Variants in PTPRD observed in about 807,000 individuals in gnomAD.
PTPRD encodes the protein receptor-type tyrosine-protein phosphatase delta.
Under a neutral mutation model 214.5 loss-of-function variants are expected in PTPRD, and 34 were observed. The ratio of observed to expected loss-of-function variants is 0.16; its 90% confidence interval spans 0.12 to 0.21. PTPRD has a LOEUF of 0.21. PTPRD is among the 10% of genes least tolerant of loss of function. PTPRD has a pLI of 1.00. For missense variants in PTPRD, 2,545 were observed against 2,398.7 expected (o/e 1.06, Z -1.27); for synonymous variants, 1,128 against 845.7 (o/e 1.33, Z -5.79).
At chr9:8,384,745 C>T (rs1303365556) in intron 37 of PTPRD, among the ~76,000 whole-genome samples, 1 of 152,102 alleles carries the variant, frequency 6.6e-6, no homozygotes, top group Non-Finnish European at 1.5e-5. Context: ...ACGCTGGTCT[C>T]GAACTCCTGA....
intron 2 of PTPRD, among the ~76,000 whole-genome samples, chr9:10,548,441 A>G (rs1372834050): frequency 6.6e-6 from 1 of 152,112 alleles, no homozygotes; most frequent in Admixed American, 6.6e-5. Context: ...ATCAATCACT[A>G]TAGGAGCTTA....
At chr9:9,813,027 G>A (rs79923241) in intron 5 of PTPRD, among the ~76,000 whole-genome samples, 1 of 152,042 alleles carries the variant, frequency 6.6e-6, no homozygotes, top group Non-Finnish European at 1.5e-5. Flanking sequence ...TCACAAATAT[G>A]TGGAAAGTAA....
At chr9:9,135,205 C>T (rs188650852) in intron 10 of PTPRD, among the ~76,000 whole-genome samples, 5 of 152,338 alleles carry the variant, frequency 3.3e-5, no homozygotes, top group East Asian at 1.9e-4. Flanking sequence ...TGTCTTTCCA[C>T]TCTGATTGTA....
At chr9:9,602,620 G>T (rs1026296499) in intron 7 of PTPRD, among the ~76,000 whole-genome samples, 3 of 151,766 alleles carry the variant, frequency 2.0e-5, no homozygotes, top group South Asian at 2.1e-4. Context: ...TAAATAATAC[G>T]TACCTATCTT....
At chr9:9,867,142 T>C (rs1412415888) in intron 5 of PTPRD, among the ~76,000 whole-genome samples, 1 of 152,146 alleles carries the variant, frequency 6.6e-6, no homozygotes, top group African/African-American at 2.4e-5. Context: ...GTCAATATTA[T>C]TGTATATTTT....
chr9:10,224,198 A>T (rs1239851282), intron 3 of PTPRD, among the ~76,000 whole-genome samples: 1 of 152,018 alleles, frequency 6.6e-6, no homozygotes, highest in Non-Finnish European at 1.5e-5. Context: ...ACCACTATAT[A>T]AATTATCTTA....
At chr9:9,212,676 A>C (rs2099949571) in intron 9 of PTPRD, among the ~76,000 whole-genome samples, 3 of 152,228 alleles carry the variant, frequency 2.0e-5, no homozygotes. Flanking sequence ...AGCCAAGGCC[A>C]TTCACAGATT....
At chr9:8,858,631 T>C (rs2098011726) in intron 11 of PTPRD, among the ~76,000 whole-genome samples, 1 of 152,142 alleles carries the variant, frequency 6.6e-6, no homozygotes, top group South Asian at 2.1e-4. Flanking sequence ...GGATTGTGTG[T>C]GCGCGTTGCC....
chr9:10,119,981 T>C (rs1268539478), intron 3 of PTPRD, among the ~76,000 whole-genome samples: 1 of 152,044 alleles, frequency 6.6e-6, no homozygotes, highest in Non-Finnish European at 1.5e-5. Context: ...ATTATGATTG[T>C]ACAAGCTACA....
intron 8 of PTPRD, among the ~76,000 whole-genome samples, chr9:9,426,720 C>A (rs760683434): frequency 2.0e-5 from 3 of 152,120 alleles, no homozygotes; most frequent in African/African-American, 4.8e-5. Flanking sequence ...TCCAGAAGAA[C>A]GATAAGGCAG....
At chr9:10,208,379 T>C (rs10958947) in intron 3 of PTPRD, among the ~76,000 whole-genome samples, 9,981 of 152,060 alleles carry the variant, frequency 0.066, 850 homozygotes, top group East Asian at 0.35. Context: ...CCGGGCGTGG[T>C]GGCGGGCGCC....
intron 5 of PTPRD, among the ~76,000 whole-genome samples, chr9:9,861,180 T>C (rs936263997): frequency 1.3e-5 from 2 of 152,214 alleles, no homozygotes; most frequent in African/African-American, 2.4e-5. Context: ...CATGAGTGTA[T>C]TGGGAGAAGT....
At chr9:8,466,648 C>T (rs924453118) in intron 31 of PTPRD, among the ~76,000 whole-genome samples, 4 of 151,832 alleles carry the variant, frequency 2.6e-5, no homozygotes, top group African/African-American at 9.7e-5. Flanking sequence ...TTGATGTAAG[C>T]AGCAGTCTTT....
At chr9:9,831,734 T>G (rs957255513) in intron 5 of PTPRD, among the ~76,000 whole-genome samples, 3 of 152,040 alleles carry the variant, frequency 2.0e-5, no homozygotes, top group African/African-American at 7.2e-5. Context: ...CCCTAATTTA[T>G]ATCATCAATA....
intron 2 of PTPRD, among the ~76,000 whole-genome samples, chr9:10,397,077 A>AAACAC (rs2154493987): frequency 6.6e-6 from 1 of 152,150 alleles, no homozygotes; most frequent in Admixed American, 6.6e-5. Context: ...CCACTGGGTA[A>AAACAC]CTAGTCCAGA....
At chr9:9,841,577 T>C (rs539106818) in intron 5 of PTPRD, among the ~76,000 whole-genome samples, 2 of 152,280 alleles carry the variant, frequency 1.3e-5, no homozygotes, top group African/African-American at 4.8e-5. Flanking sequence ...GACCTAGCGA[T>C]AGAACGGCCC....
chr9:9,752,057 G>T (rs1438942235), intron 6 of PTPRD, among the ~76,000 whole-genome samples: 1 of 151,994 alleles, frequency 6.6e-6, no homozygotes, highest in Non-Finnish European at 1.5e-5. Flanking sequence ...TATTCCAGTG[G>T]TAAGTCAGGA....
intron 30 of PTPRD, among the ~76,000 whole-genome samples, chr9:8,476,195 T>C (rs2096760879): frequency 6.6e-6 from 1 of 152,112 alleles, no homozygotes; most frequent in Non-Finnish European, 1.5e-5. Flanking sequence ...GGGGATGGTT[T>C]TGAGATGAAA....
chr9:9,885,755 G>C (rs560573949), intron 5 of PTPRD, among the ~76,000 whole-genome samples: 1 of 152,074 alleles, frequency 6.6e-6, no homozygotes, highest in Admixed American at 6.6e-5. Context: ...AAGGAAAATA[G>C]TCTGCTGACC....
Sources: gnomAD v4.1 joint callset for allele counts (sites outside exome capture counted in the v4.1 genomes callset) on GRCh38, gnomAD v4.1.1 for gene constraint, MANE v1.5 for transcripts, NCBI Gene and HGNC (gene_info 2026-07-23, HGNC 2026-07-21) for gene names.